Variants in IFFO1 observed in about 807,000 individuals in gnomAD.
IFFO1 encodes the protein non-homologous end joining factor IFFO1.
A neutral mutation model predicts 59.6 loss-of-function variants in IFFO1; 42 were observed. That is an observed-to-expected ratio of 0.70 (90% CI 0.55 to 0.91). IFFO1 has a LOEUF of 0.91. IFFO1 is among the 40% of genes least tolerant of loss of function. The probability of loss-of-function intolerance (pLI) is 0.00; values close to 1 mark genes in which losing one functional copy is unlikely to be tolerated. For synonymous variants in IFFO1, 336 were observed against 342.8 expected (o/e 0.98, Z 0.22); for missense variants, 711 against 793.2 (o/e 0.90, Z 1.24).
Position 6,550,705 on chromosome 12 carries a change from A to G in IFFO1, c.920T>C (p.Leu307Pro). 6.2e-7 allele frequency: 1 copy of G among 1,613,936 alleles called. No homozygotes were observed. Among genetic ancestry groups the G allele is most frequent in the Non-Finnish European group, 8.5e-7 (1 of 1,179,778 alleles). Residue 307 changes from leucine to proline, a missense_variant, in exon 3 of 10, where the codon CTC becomes CCC. By Grantham distance (98) the Leu-to-Pro change is moderately conservative. Transcript: ENST00000619571. ...LKAELVVFKG[L>P]MSNNLSELDT... ...TGGGGCTGCACTCACGTTACTCATG[A>G]GCCCCTTGAAGACCACCAGCTCAGC... is the stretch of plus-strand genomic sequence containing the variant.
Position 6,555,171 on chromosome 12 carries a change from CCT to C in IFFO1, c.773+84_773+85del, listed in dbSNP as rs1197471402. 4 of 1,341,618 alleles carry C rather than the reference CCT, an allele frequency of 3.0e-6. No homozygotes were observed. The highest frequency in any genetic ancestry group is 2.3e-5 in the East Asian group (1 of 43,604). 83.1% of individuals were successfully genotyped at this position (1,341,618 alleles called of 1,614,324 possible). A position where few individuals can be genotyped will look rare whatever the true frequency, so the allele number is the denominator to read the frequency against. On this transcript the variant is annotated intron_variant, in intron 1 of 9. Transcript: ENST00000619571. The surrounding 1 kb of genome is among the most constrained non-coding windows in gnomAD (Gnocchi z 8.6). ...AAACTTTACTCTCATTCTTTTCACC[CCT>C]GATTCTTCGGAACCCACACCAACTC...
intron 8 of IFFO1, among the ~76,000 whole-genome samples, chr12:6,542,063 G>T (rs1946743575): frequency 6.6e-6 from 1 of 152,152 alleles, no homozygotes; most frequent in Non-Finnish European, 1.5e-5. Context: ...GTAAGGGTTA[G>T]CGACAGGTTT....
At chr12:6,550,107 C>T (rs981274264) in intron 3 of IFFO1, 4 of 520,840 alleles carry the variant, frequency 7.7e-6, no homozygotes, top group African/African-American at 7.6e-5. Flanking sequence ...GCTCGGGCCA[C>T]TGCTCCCTGG....
rs978034526 is a variant in IFFO1, at chr12:6,540,377, G to C, written c.*106C>G. 2.1e-6 allele frequency: 2 copies of C among 943,798 alleles called. No individual in the cohort carries two copies. Among genetic ancestry groups the C allele is most frequent in the East Asian group, 4.9e-5 (2 of 40,806 alleles). 58.5% of individuals were successfully genotyped at this position (943,798 alleles called of 1,614,324 possible). A position where few individuals can be genotyped will look rare whatever the true frequency, so the allele number is the denominator to read the frequency against. ...AGGAGCGCCCCAGTCCCCAGGGACC[G>C]GCCTGGTGCAGAGCTGCAGCTGATG... On this transcript the variant is annotated 3_prime_UTR_variant, in exon 10 of 10. Coordinates refer to ENST00000619571, the MANE Select transcript of IFFO1 (RefSeq NM_001193457.2).
Position 6,555,910 on chromosome 12 carries a change from CG to C in IFFO1, c.119del (p.Pro40ArgfsTer41). On this transcript the variant is annotated frameshift_variant, in exon 1 of 10. Transcript: ENST00000619571. LOFTEE classifies it high-confidence loss of function. The surrounding 1 kb of genome is among the most constrained non-coding windows in gnomAD (Gnocchi z 8.6). ...CAGGGCCGGCCGGCGAGAGAGGCGC[CG>C]GGGGCAAGTCTCCTCCCCCGGCGAA... ...DHFAGGGDLP[P>X]APLSPAGPAA... The C allele has an allele frequency of 1.9e-6, 3 of 1,553,568 alleles. No homozygotes were observed. Among genetic ancestry groups the C allele is most frequent in the Non-Finnish European group, 8.7e-7 (1 of 1,154,136 alleles).
At chr12:6,547,945 ACTC>A (rs1162660688) in intron 8 of IFFO1, 117 bp downstream of exon 8, 1 of 758,528 alleles carries the variant, frequency 1.3e-6, no homozygotes, top group Admixed American at 1.9e-5. Context: ...CTGAGAGATC[ACTC>A]CTCCTCCCAA....
At chr12:6,551,593 A>G in intron 1 of IFFO1, 1 of 677,038 alleles carries the variant, frequency 1.5e-6, no homozygotes, top group Non-Finnish European at 2.3e-6. Flanking sequence ...GAAACTACCC[A>G]CCCAGAGCCT....
chr12:6,551,276 G>T, intron 1 of IFFO1: 1 of 634,908 alleles, frequency 1.6e-6, no homozygotes, highest in Non-Finnish European at 2.6e-6. Context: ...AAGTGCTGAG[G>T]CTCCGGTCCT....
chr12:6,541,021 C>CAAAAAA lies in IFFO1; in HGVS notation c.1611-439_1611-434dup, dbSNP rs34135055. ...CTGGGAGGCGGAGGTTGTAGTGAGC[C>CAAAAAA]AAAAAAAAAAAAAAAAGAAATAGCT... On this transcript the variant is annotated intron_variant, in intron 9 of 9. Coordinates refer to ENST00000619571, the MANE Select transcript of IFFO1 (RefSeq NM_001193457.2). The surrounding 1 kb of genome is among the most constrained non-coding windows in gnomAD (Gnocchi z 4.8). Among the ~76,000 whole-genome samples, 1 of 133,112 alleles carries CAAAAAA rather than the reference C, an allele frequency of 7.5e-6. No homozygotes were observed. Among genetic ancestry groups the CAAAAAA allele is most frequent in the Non-Finnish European group, 1.6e-5 (1 of 62,228 alleles). The allele number at this position is 133,112 out of a possible 152,430, so 87.3% of individuals were successfully genotyped here. A position where few individuals can be genotyped will look rare whatever the true frequency, so the allele number is the denominator to read the frequency against.
intron 8 of IFFO1, among the ~76,000 whole-genome samples, 179 bp downstream of exon 8, chr12:6,547,882 ATCTG>A (rs1947039306): frequency 6.6e-6 from 1 of 152,140 alleles, no homozygotes; most frequent in Non-Finnish European, 1.5e-5. Flanking sequence ...TTGAACCGAT[ATCTG>A]TCTGTTTCCA....
Position 6,540,240 on chromosome 12 carries a change from G to A in IFFO1, c.*243C>T. The stretch of plus-strand genomic sequence containing the variant: ...GAAGTAGCAGACACCCACGCGTGAA[G>A]GCAGGAGAGCCCCAACTGTGGTGGA... On this transcript the variant is annotated 3_prime_UTR_variant, in exon 10 of 10. Coordinates refer to ENST00000619571, the MANE Select transcript of IFFO1 (RefSeq NM_001193457.2). 1.7e-6 allele frequency: 1 copy of A among 571,974 alleles called. No individual in the cohort carries two copies. The highest frequency in any genetic ancestry group is 2.1e-5 in the South Asian group (1 of 47,930). 35.4% of individuals were successfully genotyped at this position (571,974 alleles called of 1,614,324 possible).
rs1565570269 is a variant in IFFO1 at position 6,548,416 on chromosome 12, A to C, written c.1383+9T>G. ...GCCAGAGGGCCCTGAGGCCGGGAGC[A>C]GAGGTTACCTCTCCCTGGGCCTCTG... On this transcript the variant is annotated intron_variant, in intron 7 of 9. Transcript: ENST00000619571. This position sits in a 1 kb window ranked among gnomAD's most constrained non-coding sequence, Gnocchi z 6.1. 1 of 1,605,232 alleles carries C rather than the reference A, an allele frequency of 6.2e-7. No homozygotes were observed. The highest frequency in any genetic ancestry group is 8.5e-7 in the Non-Finnish European group (1 of 1,175,540).
intron 8 of IFFO1, chr12:6,543,760 G>A (rs1946824156): frequency 2.0e-5 from 3 of 152,204 alleles, no homozygotes; most frequent in Admixed American, 1.3e-4. Context: ...GAGGTCGGGA[G>A]TTCGAGACCA....
At chr12:6,552,631 C>A (rs1947279734) in intron 1 of IFFO1, among the ~76,000 whole-genome samples, 1 of 152,198 alleles carries the variant, frequency 6.6e-6, no homozygotes, top group Non-Finnish European at 1.5e-5. Flanking sequence ...CAAGGGCACG[C>A]TAACCCTGGA....
intron 1 of IFFO1, chr12:6,551,310 GCCCCAGCT>G (rs1261389353): frequency 6.5e-6 from 5 of 768,226 alleles, no homozygotes; most frequent in Non-Finnish European, 9.8e-6. Context: ...CCCTGCTCAG[GCCCCAGCT>G]CAGCCAGCTG....
rs1387434013 is a variant in IFFO1, at chr12:6,540,357, C to T, written c.*126G>A. 2.9e-5 allele frequency: 22 copies of T among 771,620 alleles called. No individual in the cohort carries two copies. Among genetic ancestry groups the T allele is most frequent in the African/African-American group, 1.5e-4 (9 of 58,562 alleles). The allele number at this position is 771,620 out of a possible 1,614,324, so 47.8% of individuals were successfully genotyped here. A position where few individuals can be genotyped will look rare whatever the true frequency, so the allele number is the denominator to read the frequency against. The stretch of plus-strand genomic sequence containing the variant: ...TGAGGGAGAAAGCCTGAGGGAGGAG[C>T]GCCCCAGTCCCCAGGGACCGGCCTG... On this transcript the variant is annotated 3_prime_UTR_variant, in exon 10 of 10. Transcript: ENST00000619571.
intron 1 of IFFO1, 52 bp from the exon 2 acceptor site, chr12:6,551,053 C>T (rs7312991): frequency 0.25 from 385,500 of 1,566,880 alleles, 49,131 homozygotes; most frequent in Admixed American, 0.3. Context: ...TCCTTCCCTG[C>T]CCCCATGGCT....
At chr12:6,544,851 G>C (rs2136105299) in intron 8 of IFFO1, 1 of 152,304 alleles carries the variant, frequency 6.6e-6, no homozygotes, top group African/African-American at 2.4e-5. Context: ...GATGTGTGTT[G>C]GGAGAATGAG....
At chr12:6,546,380 G>A (rs547330511) in intron 8 of IFFO1, among the ~76,000 whole-genome samples, 42 of 152,318 alleles carry the variant, frequency 2.8e-4, no homozygotes, top group African/African-American at 8.7e-4. Flanking sequence ...TCAGAGCGTC[G>A]GGAAAGGACC....
Sources: allele counts gnomAD v4.1 joint callset (sites outside exome capture counted in the v4.1 genomes callset), GRCh38; gene constraint gnomAD v4.1.1; non-coding constraint Gnocchi (gnomAD v3.1); transcripts MANE v1.5; gene names NCBI Gene and HGNC (gene_info 2026-07-23, HGNC 2026-07-21).